PVT1: variants seen among roughly 807,000 people sequenced by gnomAD.
PVT1 encodes the protein CXCR4/PVT1 fusion.
chr8:127,893,815 T>C (rs1815640964), intron 3 of PVT1, among the ~76,000 whole-genome samples: 1 of 152,178 alleles, frequency 6.6e-6, no homozygotes. Flanking sequence ...AGGGGCACTG[T>C]ATCACTTACT....
At chr8:127,812,622 G>C (rs1231870900) in intron 2 of PVT1, among the ~76,000 whole-genome samples, 1 of 147,478 alleles carries the variant, frequency 6.8e-6, no homozygotes, top group Non-Finnish European at 1.5e-5. Context: ...GAAGGAAAGG[G>C]AGAGAGGAAG....
intron 3 of PVT1, among the ~76,000 whole-genome samples, chr8:127,941,267 C>T (rs1423810449): frequency 6.6e-6 from 1 of 152,206 alleles, no homozygotes; most frequent in African/African-American, 2.4e-5. Flanking sequence ...TGTGATTGGA[C>T]TGGGGCCACC....
At chr8:127,915,404 G>A (rs1044756129) in intron 3 of PVT1, among the ~76,000 whole-genome samples, 1 of 151,530 alleles carries the variant, frequency 6.6e-6, no homozygotes, top group Non-Finnish European at 1.5e-5. Flanking sequence ...CCTGAAGTCG[G>A]GAGTTTGAGA....
At chr8:127,870,607 G>A (rs1815341348) in intron 2 of PVT1, among the ~76,000 whole-genome samples, 1 of 152,160 alleles carries the variant, frequency 6.6e-6, no homozygotes, top group South Asian at 2.1e-4. Flanking sequence ...CTGAATGAAG[G>A]AAAGCTGAAG....
chr8:127,862,335 GA>G (rs1022688962), intron 2 of PVT1, among the ~76,000 whole-genome samples: 3 of 151,914 alleles, frequency 2.0e-5, no homozygotes, highest in African/African-American at 7.3e-5. Flanking sequence ...TTGAACCCAG[GA>G]GGCAGAGGTT....
At chr8:128,073,220 G>A (rs1276275085) in intron 5 of PVT1, among the ~76,000 whole-genome samples, 1 of 152,104 alleles carries the variant, frequency 6.6e-6, no homozygotes, top group Non-Finnish European at 1.5e-5. Context: ...TCAGTGATGT[G>A]GCTTTAAGCA....
intron 5 of PVT1, among the ~76,000 whole-genome samples, chr8:128,091,445 C>A (rs1177404818): frequency 6.6e-6 from 1 of 152,200 alleles, no homozygotes; most frequent in African/African-American, 2.4e-5. Flanking sequence ...CATCACACAG[C>A]ACCCTGGCTC....
chr8:127,945,988 AAAAG>A (rs1207764420), intron 3 of PVT1, among the ~76,000 whole-genome samples: 4 of 152,202 alleles, frequency 2.6e-5, no homozygotes, highest in East Asian at 1.9e-4. Context: ...CGGGTTGGAA[AAAAG>A]AAAGAGTTAG....
chr8:128,061,064 C>T (rs1813824709), intron 4 of PVT1, among the ~76,000 whole-genome samples: 1 of 152,210 alleles, frequency 6.6e-6, no homozygotes. Flanking sequence ...CATGTGTCAT[C>T]ACGTCCAGCT....
intron 5 of PVT1, among the ~76,000 whole-genome samples, chr8:128,080,087 A>AT (rs1437310560): frequency 1.3e-5 from 2 of 152,176 alleles, no homozygotes; most frequent in Non-Finnish European, 2.9e-5. Flanking sequence ...TTAGTGCTGA[A>AT]TAATATTTCT....
At chr8:127,881,280 T>C (rs575821127) in intron 2 of PVT1, among the ~76,000 whole-genome samples, 1 of 152,136 alleles carries the variant, frequency 6.6e-6, no homozygotes, top group African/African-American at 2.4e-5. Context: ...TCTGCTTGTG[T>C]TGTGAGCCCA....
chr8:128,005,623 C>T (rs758896150), intron 4 of PVT1, among the ~76,000 whole-genome samples: 114 of 152,188 alleles, frequency 7.5e-4, no homozygotes, highest in Non-Finnish European at 1.4e-3. Flanking sequence ...CCAGTACTCT[C>T]GGTTTGTCTG....
chr8:128,099,965 C>G (rs1252675131), intron 6 of PVT1: 1 of 152,136 alleles, frequency 6.6e-6, no homozygotes, highest in Non-Finnish European at 1.5e-5. Context: ...GGTTCCCCAG[C>G]CAGCCGCAGG....
intron 3 of PVT1, chr8:127,932,421 C>T (rs1284173500): frequency 1.5e-5 from 6 of 398,484 alleles, no homozygotes; most frequent in Non-Finnish European, 2.7e-5. Context: ...GGAGGACATG[C>T]GAGAACTATT....
chr8:127,974,445 C>G (rs1191031019), intron 3 of PVT1, among the ~76,000 whole-genome samples: 1 of 152,096 alleles, frequency 6.6e-6, no homozygotes, highest in African/African-American at 2.4e-5. Context: ...GAGATGGAGT[C>G]TCACTCTCAC....
At chr8:127,950,999 G>A (rs1162938129) in intron 3 of PVT1, among the ~76,000 whole-genome samples, 1 of 152,192 alleles carries the variant, frequency 6.6e-6, no homozygotes, top group Non-Finnish European at 1.5e-5. Context: ...CCGGATTCAA[G>A]CAATTATCCT....
chr8:127,937,177 A>G (rs1816286457), intron 3 of PVT1, among the ~76,000 whole-genome samples: 1 of 152,238 alleles, frequency 6.6e-6, no homozygotes, highest in Non-Finnish European at 1.5e-5. Context: ...TTAATCTGAC[A>G]GCAGGGGCAA....
chr8:128,006,132 AT>A lies in PVT1; in HGVS notation n.912+16842del, dbSNP rs1253116255. 7.6e-3 allele frequency among the ~76,000 whole-genome samples: 1,063 copies of A among 140,788 alleles called. 21 individuals are homozygous for A. Among genetic ancestry groups the A allele is most frequent in the Middle Eastern group, 0.022 (6 of 270 alleles). The allele number at this position is 140,788 out of a possible 152,430, so 92.4% of individuals were successfully genotyped here. A position where few individuals can be genotyped will look rare whatever the true frequency, so the allele number is the denominator to read the frequency against. On this transcript the variant is annotated intron_variant and non_coding_transcript_variant, in intron 4 of 10. Coordinates refer to ENST00000651587, the Ensembl canonical transcript of PVT1. ...AATAATAATAATAATAATAATAATA[AT>A]AATAATAATAATAATAAAAAGATAA...
chr8:127,911,232 C>T (rs935757204), intron 3 of PVT1, among the ~76,000 whole-genome samples: 5 of 152,204 alleles, frequency 3.3e-5, no homozygotes, highest in African/African-American at 1.2e-4. Flanking sequence ...ATAGAGCCAC[C>T]CCCTTGCTTA....
Sources: allele counts gnomAD v4.1 joint callset (sites outside exome capture counted in the v4.1 genomes callset), GRCh38; gene constraint gnomAD v4.1.1; transcripts MANE v1.5; gene names NCBI Gene and HGNC (gene_info 2026-07-23, HGNC 2026-07-21).